The following ZNF385D variants were observed in gnomAD, a reference collection of about 807,000 sequenced individuals.
ZNF385D encodes zinc finger protein 659.
In ZNF385D, 15 loss-of-function variants were observed where a neutral mutation model predicts 35.8. That is an observed-to-expected ratio of 0.42 (90% confidence interval 0.28 to 0.64). ZNF385D has a LOEUF of 0.64. ZNF385D is among the 30% of genes least tolerant of loss of function. The pLI is 0.23. For missense variants in ZNF385D, 474 were observed against 494.6 expected (o/e 0.96, Z 0.39); for synonymous variants, 212 against 186.8 (o/e 1.13, Z -1.10).
chr3:21,963,119 T>C (rs529185040), intron 3 of ZNF385D, among the ~76,000 whole-genome samples: 4 of 152,344 alleles, frequency 2.6e-5, no homozygotes, highest in Non-Finnish European at 5.9e-5. Context: ...AGAAATTTAA[T>C]ACAATTTTCC....
At chr3:21,466,950 C>A (rs1304705309) in intron 4 of ZNF385D, among the ~76,000 whole-genome samples, 1 of 152,130 alleles carries the variant, frequency 6.6e-6, no homozygotes, top group African/African-American at 2.4e-5. Flanking sequence ...GAAGAAAGTT[C>A]TGGACCTGAA....
chr3:21,929,665 A>C (rs1700906556), intron 3 of ZNF385D, among the ~76,000 whole-genome samples: 1 of 152,098 alleles, frequency 6.6e-6, no homozygotes, highest in Non-Finnish European at 1.5e-5. Flanking sequence ...ATTAGAAAGA[A>C]ACATCTAAAA....
At chr3:22,040,547 G>C (rs1698601858) in intron 3 of ZNF385D, among the ~76,000 whole-genome samples, 1 of 152,128 alleles carries the variant, frequency 6.6e-6, no homozygotes, top group African/African-American at 2.4e-5. Flanking sequence ...ACTACACATT[G>C]ATAAAAAGAA....
At chr3:22,184,833 A>G (rs1056976703) in intron 2 of ZNF385D, among the ~76,000 whole-genome samples, 1 of 152,114 alleles carries the variant, frequency 6.6e-6, no homozygotes, top group Non-Finnish European at 1.5e-5. Context: ...GGACAAATGG[A>G]CTACATTGCC....
chr3:21,926,775 G>T (rs1037770035), intron 3 of ZNF385D, among the ~76,000 whole-genome samples: 1 of 152,076 alleles, frequency 6.6e-6, no homozygotes, highest in African/African-American at 2.4e-5. Flanking sequence ...AAAAGCAATG[G>T]CAACAAAAAC....
intron 2 of ZNF385D, among the ~76,000 whole-genome samples, chr3:22,272,994 A>T (rs1218439406): frequency 2.0e-5 from 3 of 151,980 alleles, no homozygotes; most frequent in Non-Finnish European, 4.4e-5. Context: ...TATTTCCTAG[A>T]TATATAGCAT....
At chr3:22,059,344 T>A (rs1177022366) in intron 3 of ZNF385D, among the ~76,000 whole-genome samples, 2 of 152,028 alleles carry the variant, frequency 1.3e-5, no homozygotes, top group Admixed American at 1.3e-4. Context: ...TTGGCATTTC[T>A]AAAGCTTCCC....
At chr3:22,364,098 T>C (rs1348982855) in intron 2 of ZNF385D, among the ~76,000 whole-genome samples, 2 of 152,142 alleles carry the variant, frequency 1.3e-5, no homozygotes, top group African/African-American at 2.4e-5. Flanking sequence ...TATTTCATAA[T>C]CATTCTAGGC....
chr3:22,010,833 C>A (rs1350461738), intron 3 of ZNF385D, among the ~76,000 whole-genome samples: 1 of 152,084 alleles, frequency 6.6e-6, no homozygotes, highest in African/African-American at 2.4e-5. Context: ...ATATTTTGAA[C>A]AGGGAAATTA....
At chr3:21,926,206 A>G (rs1700718790) in intron 3 of ZNF385D, among the ~76,000 whole-genome samples, 1 of 151,932 alleles carries the variant, frequency 6.6e-6, no homozygotes, top group South Asian at 2.1e-4. Context: ...ACATAGGTAT[A>G]TATGTGCCAC....
chr3:21,781,677 A>C (rs1292425526), intron 3 of ZNF385D, among the ~76,000 whole-genome samples: 2 of 152,036 alleles, frequency 1.3e-5, no homozygotes, highest in African/African-American at 2.4e-5. Context: ...TGAGCCAGAC[A>C]CCTTAAACAA....
At chr3:21,875,604 G>A (rs1697922830) in intron 3 of ZNF385D, among the ~76,000 whole-genome samples, 1 of 151,972 alleles carries the variant, frequency 6.6e-6, no homozygotes, top group Non-Finnish European at 1.5e-5. Flanking sequence ...GTGCAAAATG[G>A]TCTTAGTGCT....
At chr3:21,600,600 C>G (rs533430560) in intron 2 of ZNF385D, among the ~76,000 whole-genome samples, 40 of 152,188 alleles carry the variant, frequency 2.6e-4, no homozygotes, top group African/African-American at 9.2e-4. Context: ...ATGATTTAGT[C>G]TTGAATGCAA....
At chr3:21,554,463 G>C (rs145918803) in intron 3 of ZNF385D, among the ~76,000 whole-genome samples, 240 of 152,240 alleles carry the variant, frequency 1.6e-3, no homozygotes, top group Non-Finnish European at 4.4e-4. Context: ...AGGCAGAGAT[G>C]ATTTAGTGAA....
chr3:21,676,904 G>A (rs939407315), intron 1 of ZNF385D, among the ~76,000 whole-genome samples: 2 of 151,868 alleles, frequency 1.3e-5, no homozygotes, highest in African/African-American at 2.4e-5. Flanking sequence ...TCCAAGGAAA[G>A]GACCTGCATT....
intron 3 of ZNF385D, among the ~76,000 whole-genome samples, chr3:22,142,970 T>C (rs1704608553): frequency 6.6e-6 from 1 of 152,010 alleles, no homozygotes; most frequent in African/African-American, 2.4e-5. Flanking sequence ...GCCCGTAAGT[T>C]TGAATGAGTC....
intron 3 of ZNF385D, among the ~76,000 whole-genome samples, chr3:22,140,302 C>G (rs1253525978): frequency 6.6e-6 from 1 of 152,090 alleles, no homozygotes; most frequent in East Asian, 1.9e-4. Flanking sequence ...ATAATGCTGC[C>G]TAAAAGAAAC....
intron 3 of ZNF385D, among the ~76,000 whole-genome samples, chr3:21,522,563 C>T (rs536362502): frequency 1.5e-4 from 23 of 152,278 alleles, no homozygotes; most frequent in Non-Finnish European, 1.2e-4. Context: ...TGGTCTCAAA[C>T]TCCTGACCTT....
In ZNF385D at chr3:22,219,088, A is replaced by G. The variant is rs148456020; in HGVS notation, c.107-50053T>C. Among the ~76,000 whole-genome samples the G allele has an allele frequency of 2.8e-3, 422 of 152,126 alleles. 1 individual carries two copies. Among genetic ancestry groups the G allele is most frequent in the African/African-American group, 9.4e-3 (390 of 41,536 alleles). ...AAATCAATTAACATAGCTCAGTTAAACTCTATGGTGACGATCTGTTACTTT... is the reference window on the plus strand; with the variant it reads ...AAATCAATTAACATAGCTCAGTTAAGCTCTATGGTGACGATCTGTTACTTT... On this transcript the variant is annotated intron_variant, in intron 2 of 5. Transcript: ENST00000494108.
Sources: allele counts gnomAD v4.1 joint callset (sites outside exome capture counted in the v4.1 genomes callset), GRCh38; gene constraint gnomAD v4.1.1; transcripts MANE v1.5; gene names NCBI Gene and HGNC (gene_info 2026-07-23, HGNC 2026-07-21).